PIK3CB: variants seen among roughly 807,000 people sequenced by gnomAD.
PIK3CB encodes phosphatidylinositol 4,5-bisphosphate 3-kinase catalytic subunit beta isoform.
PIK3CB carries 39 observed loss-of-function variants against 136.8 expected under a neutral mutation model. The ratio of observed to expected loss-of-function variants is 0.29; its 90% confidence interval spans 0.22 to 0.37. The LOEUF is 0.37. PIK3CB is among the 10% of genes least tolerant of loss of function. PIK3CB has a pLI of 1.00. For missense variants in PIK3CB, 868 were observed against 1,275.4 expected, an observed-to-expected ratio of 0.68 and a Z score of 4.87; for synonymous variants, 428 against 436.6, an observed-to-expected ratio of 0.98 and a Z score of 0.25.
intron 2 of PIK3CB, among the ~76,000 whole-genome samples, chr3:138,763,655 C>G (rs145951921): frequency 3.2e-4 from 49 of 152,280 alleles, no homozygotes; most frequent in Middle Eastern, 3.4e-3. Flanking sequence ...TACCAGACAG[C>G]TGGAAATGGT....
chr3:138,655,929 G>A lies in PIK3CB; in HGVS notation c.3075+213C>T, dbSNP rs77815999. 9.0e-3 allele frequency among the ~76,000 whole-genome samples: 1,370 copies of A among 152,136 alleles called. 28 individuals carry two copies. Among genetic ancestry groups the A allele is most frequent in the African/African-American group, 0.03 (1,242 of 41,502 alleles). ...ACAGCCCAATACCAGTCTTCTTTAC[G>A]CCCCTTCTACTGATGGGAAAATCTT... On this transcript the variant is annotated intron_variant, in intron 23 of 23. Coordinates refer to ENST00000674063, the MANE Select transcript of PIK3CB (RefSeq NM_006219.3).
chr3:138,714,707 C>A lies in PIK3CB; in HGVS notation c.1063G>T (p.Ala355Ser), dbSNP rs1467388468. The change falls in exon 9 of 24, where the codon GCT becomes TCT. Residue 355 changes from alanine to serine, a missense_variant. Around this residue, in one of 4 missense-constraint regions of PIK3CB, gnomAD observed 612 missense variants for 801.1 expected, o/e 0.76. Transcript: ENST00000674063. ...TEETVKVHVR[A>S]GLFHGTELLC... ...AGCTCAGTACCATGAAAAAGACCAG[C>A]CCTGACATGAACCTGTAACGAAGCA... The A allele has an allele frequency of 1.9e-6, 3 of 1,603,910 alleles. No individual in the cohort carries two copies. Among genetic ancestry groups the A allele is most frequent in the Admixed American group, 3.5e-5 (2 of 57,648 alleles).
chr3:138,668,717 G>T (rs1272288015), intron 19 of PIK3CB, among the ~76,000 whole-genome samples: 2 of 152,174 alleles, frequency 1.3e-5, no homozygotes, highest in African/African-American at 4.8e-5. Context: ...TCATGGGGTA[G>T]AAGTACAATT....
At chr3:138,662,268 C>A (rs1277161331) in intron 21 of PIK3CB, among the ~76,000 whole-genome samples, 1 of 118,908 alleles carries the variant, frequency 8.4e-6, no homozygotes, top group Non-Finnish European at 1.6e-5. Context: ...CCGCTCCCCC[C>A]ACCCCGCAAC....
intron 2 of PIK3CB, among the ~76,000 whole-genome samples, chr3:138,792,024 A>G (rs2108816917): frequency 6.6e-6 from 1 of 152,220 alleles, no homozygotes; most frequent in South Asian, 2.1e-4. Flanking sequence ...ACAACCAACT[A>G]TGAATCGAAA....
At chr3:138,769,137 G>A (rs1427476458) in intron 2 of PIK3CB, among the ~76,000 whole-genome samples, 5 of 152,070 alleles carry the variant, frequency 3.3e-5, no homozygotes, top group African/African-American at 7.2e-5. Context: ...CCCAGCTCCC[G>A]CCAGCTCCAC....
chr3:138,710,307 AC>A, intron 10 of PIK3CB, among the ~76,000 whole-genome samples: 1 of 152,336 alleles, frequency 6.6e-6, no homozygotes, highest in South Asian at 2.1e-4. Flanking sequence ...AGAAGGACAC[AC>A]ACACACACAC....
chr3:138,771,774 G>T (rs1385379453), intron 2 of PIK3CB, among the ~76,000 whole-genome samples: 2 of 152,086 alleles, frequency 1.3e-5, no homozygotes, highest in East Asian at 3.9e-4. Context: ...AAATTGGCTG[G>T]GTGTGGTGGC....
At position 138,664,032 on chromosome 3, in the gene PIK3CB, G is replaced by T; in HGVS notation, c.2673-3C>A. The T allele has an allele frequency of 1.2e-6, 2 of 1,612,818 alleles. No individual in the cohort carries two copies. Among genetic ancestry groups the T allele is most frequent in the South Asian group, 1.1e-5 (1 of 90,832 alleles). ...CAATGGCTCGGTCCAGGTCATCCCTGAACAAGAGAAAAGAACAGAAGCAAA... is the reference window on the plus strand; with the variant it reads ...CAATGGCTCGGTCCAGGTCATCCCTTAACAAGAGAAAAGAACAGAAGCAAA... On this transcript the variant is annotated splice_polypyrimidine_tract_variant and splice_region_variant and intron_variant, in intron 20 of 23. Transcript: ENST00000674063.
intron 16 of PIK3CB, chr3:138,685,026 C>A: frequency 2.3e-6 from 1 of 430,536 alleles, no homozygotes; most frequent in East Asian, 4.0e-5. Flanking sequence ...TTTCTTTAAA[C>A]CTTTTCTTAA....
intron 3 of PIK3CB, 73 bp from the exon 4 acceptor site, chr3:138,756,052 CTG>C (rs1453387135): frequency 1.5e-6 from 1 of 654,704 alleles, no homozygotes; most frequent in African/African-American, 1.8e-5. Context: ...AGGATGCTCA[CTG>C]CAGCACTGTT....
intron 8 of PIK3CB, among the ~76,000 whole-genome samples, chr3:138,717,686 C>T (rs950950791): frequency 7.9e-5 from 12 of 152,160 alleles, no homozygotes; most frequent in African/African-American, 2.9e-4. Flanking sequence ...CTTCTCCCTC[C>T]TCCCCGCTTC....
At chr3:138,747,846 T>C (rs543094515) in intron 4 of PIK3CB, among the ~76,000 whole-genome samples, 9 of 152,184 alleles carry the variant, frequency 5.9e-5, no homozygotes, top group Non-Finnish European at 1.0e-4. Flanking sequence ...TTCAAACCTA[T>C]TGCTGAAGGA....
chr3:138,830,585 G>C (rs919419463), intron 1 of PIK3CB, among the ~76,000 whole-genome samples: 4 of 151,228 alleles, frequency 2.6e-5, no homozygotes, highest in Admixed American at 1.3e-4. Flanking sequence ...AAATCAAAAG[G>C]AACAAGTCCA....
At chr3:138,662,616 G>T (rs2043320660) in intron 21 of PIK3CB, among the ~76,000 whole-genome samples, 1 of 149,350 alleles carries the variant, frequency 6.7e-6, no homozygotes, top group African/African-American at 2.5e-5. Context: ...TAGTCCTTTG[G>T]GTATATACCC....
chr3:138,699,187 G>T lies in PIK3CB; in HGVS notation c.1582-92C>A, dbSNP rs1319465427. On this transcript the variant is annotated intron_variant, in intron 12 of 23. Transcript: ENST00000674063. Reference sequence around the variant, plus strand: ...TTATATATATTTATATATAATAAATGAACCTAAGTATGTGAGATACAAAAA... The same window carrying T: ...TTATATATATTTATATATAATAAATTAACCTAAGTATGTGAGATACAAAAA... 18 of 368,628 alleles carry T rather than the reference G, an allele frequency of 4.9e-5. 1 individual carries two copies. Among genetic ancestry groups the T allele is most frequent in the Non-Finnish European group, 5.5e-5 (12 of 217,810 alleles). 22.8% of individuals were successfully genotyped at this position (368,628 alleles called of 1,614,324 possible). A position where few individuals can be genotyped will look rare whatever the true frequency, so the allele number is the denominator to read the frequency against.
intron 1 of PIK3CB, among the ~76,000 whole-genome samples, chr3:138,827,477 A>G (rs1933832693): frequency 6.6e-6 from 1 of 152,060 alleles, no homozygotes; most frequent in Non-Finnish European, 1.5e-5. Context: ...GCAACATAGC[A>G]AGAGCCTGTG....
chr3:138,828,676 T>C (rs1408564126), intron 1 of PIK3CB, among the ~76,000 whole-genome samples: 2 of 152,192 alleles, frequency 1.3e-5, no homozygotes, highest in Non-Finnish European at 2.9e-5. Context: ...GAGGATCACT[T>C]GAGACCAGGA....
rs546948475 is a variant in PIK3CB at position 138,770,243 on chromosome 3, C to G, written c.-16-10884G>C. The G allele has an allele frequency of 2.4e-4, 36 of 152,216 alleles. 1 individual carries two copies. Among genetic ancestry groups the G allele is most frequent in the African/African-American group, 8.2e-4 (34 of 41,528 alleles). The allele number at this position is 152,216 out of a possible 1,614,324, so 9.4% of individuals were successfully genotyped here. On this transcript the variant is annotated intron_variant, in intron 2 of 23. Transcript: ENST00000674063. ...ACTGTAACTATAACCCATATCCTGT[C>G]GATTGTTCACTGGAGAAAGGGGAAA...
Sources: allele counts gnomAD v4.1 joint callset (sites outside exome capture counted in the v4.1 genomes callset), GRCh38; gene constraint gnomAD v4.1.1; regional missense constraint gnomAD v4.1.1; transcripts MANE v1.5; gene names NCBI Gene and HGNC (gene_info 2026-07-23, HGNC 2026-07-21).